Variants in GHR observed in about 807,000 individuals in gnomAD.
GHR encodes the protein GH receptor.
GHR carries 35 observed loss-of-function variants against 67.1 expected under a neutral mutation model. The observed-to-expected ratio is 0.52, with a 90% CI of 0.40 to 0.69. The LOEUF (loss-of-function observed/expected upper bound fraction) is 0.69. GHR is among the 30% of genes least tolerant of loss of function. The pLI is 0.00. For synonymous variants in GHR, 272 were observed against 269.1 expected, an observed-to-expected ratio of 1.01 and a Z score of -0.10; for missense variants, 792 against 764.6, an observed-to-expected ratio of 1.04 and a Z score of -0.42.
chr5:42,424,548 C>A lies in GHR; in HGVS notation c.-12+593C>A. 1 of 1,529,538 alleles carries A rather than the reference C, an allele frequency of 6.5e-7. No individual in the cohort carries two copies. Among genetic ancestry groups the A allele is most frequent in the Non-Finnish European group, 8.8e-7 (1 of 1,141,620 alleles). The allele number at this position is 1,529,538 out of a possible 1,614,324, so 94.7% of individuals were successfully genotyped here. ...GCGGGCCGCAGCCGCACGTTGGCAC[C>A]GATGGAACTGGGGTCAGTAGAGTGA... On this transcript the variant is annotated intron_variant, in intron 1 of 9. Transcript: ENST00000230882. The surrounding 1 kb of genome is among the most constrained non-coding windows in gnomAD (Gnocchi z 4.1).
intron 4 of GHR, among the ~76,000 whole-genome samples, chr5:42,694,181 A>G (rs555974258): frequency 8.5e-5 from 13 of 152,306 alleles, no homozygotes; most frequent in African/African-American, 3.1e-4. Context: ...ACTAATGAGC[A>G]CTTACCCACA....
Position 42,424,661 on chromosome 5 carries a change from C to G in GHR, c.-12+706C>G, listed in dbSNP as rs1416180895. On this transcript the variant is annotated intron_variant, in intron 1 of 9. Transcript: ENST00000230882. The surrounding 1 kb of genome is among the most constrained non-coding windows in gnomAD (Gnocchi z 4.1). ...TTTGACACACTAGTGGTTGTAAAATCAACCAGGCTTAAAGTTTTGACAGAA... is the reference window on the plus strand; with the variant it reads ...TTTGACACACTAGTGGTTGTAAAATGAACCAGGCTTAAAGTTTTGACAGAA... 1.4e-6 allele frequency: 2 copies of G among 1,437,184 alleles called. No individual in the cohort carries two copies. The highest frequency in any genetic ancestry group is 2.8e-5 in the African/African-American group (2 of 71,172). 89.0% of individuals were successfully genotyped at this position (1,437,184 alleles called of 1,614,324 possible). A position where few individuals can be genotyped will look rare whatever the true frequency, so the allele number is the denominator to read the frequency against.
chr5:42,602,823 A>C (rs1442984239), intron 2 of GHR, among the ~76,000 whole-genome samples: 5 of 152,134 alleles, frequency 3.3e-5, no homozygotes, highest in African/African-American at 1.2e-4. Context: ...CCCAATGTAC[A>C]TCTGTTTATA....
At chr5:42,546,090 G>A (rs879726047) in intron 1 of GHR, among the ~76,000 whole-genome samples, 1 of 152,160 alleles carries the variant, frequency 6.6e-6, no homozygotes, top group African/African-American at 2.4e-5. Flanking sequence ...AGAATGCCAT[G>A]TGTTCAGGTA....
At chr5:42,475,613 C>A (rs1315404966) in intron 1 of GHR, among the ~76,000 whole-genome samples, 4 of 151,398 alleles carry the variant, frequency 2.6e-5, no homozygotes, top group Admixed American at 2.6e-4. Flanking sequence ...TAAAAAGGAC[C>A]CCCCCACCAA....
chr5:42,522,512 A>C (rs62370648), intron 1 of GHR, among the ~76,000 whole-genome samples: 24,678 of 152,150 alleles, frequency 0.16, 2,219 homozygotes, highest in Middle Eastern at 0.26. Context: ...TTAGCAGTGA[A>C]ACTGATATAT....
chr5:42,467,860 G>A (rs1173100578), intron 1 of GHR: 2 of 928,654 alleles, frequency 2.2e-6, no homozygotes, highest in African/African-American at 3.3e-5. Flanking sequence ...AATTAAGGCT[G>A]TATTTTCCCA....
intron 2 of GHR, among the ~76,000 whole-genome samples, chr5:42,627,064 G>A (rs930120352): frequency 2.0e-5 from 3 of 152,070 alleles, no homozygotes; most frequent in Non-Finnish European, 4.4e-5. Flanking sequence ...ATCAAATTAC[G>A]ACTGTGTTTA....
Position 42,476,032 on chromosome 5 carries a change from G to A in GHR, c.-12+52077G>A, listed in dbSNP as rs374402783. On this transcript the variant is annotated intron_variant, in intron 1 of 9. Transcript: ENST00000230882. ...CCATTCTCCTGCCTCAGCCTCCCGA[G>A]TAGCTGGAACTACAGGCGCCAACCA... Among the ~76,000 whole-genome samples, 334 of 151,346 alleles carry A rather than the reference G, an allele frequency of 2.2e-3. 1 individual carries two copies. The highest frequency in any genetic ancestry group is 7.9e-3 in the African/African-American group (327 of 41,182).
intron 3 of GHR, among the ~76,000 whole-genome samples, chr5:42,659,991 G>A (rs1755490425): frequency 6.6e-6 from 1 of 152,168 alleles, no homozygotes; most frequent in Non-Finnish European, 1.5e-5. Flanking sequence ...TACGCCCACG[G>A]AGTCTCGCTG....
At chr5:42,628,059 C>G (rs1395198605) in intron 2 of GHR, among the ~76,000 whole-genome samples, 1 of 152,118 alleles carries the variant, frequency 6.6e-6, no homozygotes, top group Non-Finnish European at 1.5e-5. Context: ...TCTCCAACCT[C>G]CCCCAGGCAA....
At chr5:42,677,583 T>C (rs927364726) in intron 3 of GHR, among the ~76,000 whole-genome samples, 7 of 152,234 alleles carry the variant, frequency 4.6e-5, no homozygotes, top group Non-Finnish European at 7.4e-5. Context: ...GTGAGGGAAA[T>C]AGCTGCCACA....
chr5:42,701,386 G>A (rs537543883), intron 6 of GHR, among the ~76,000 whole-genome samples: 2 of 152,110 alleles, frequency 1.3e-5, no homozygotes, highest in Non-Finnish European at 2.9e-5. Flanking sequence ...TTAATATTCT[G>A]TGTGACATAT....
At chr5:42,469,177 C>T (rs545180706) in intron 1 of GHR, among the ~76,000 whole-genome samples, 2 of 152,332 alleles carry the variant, frequency 1.3e-5, no homozygotes, top group African/African-American at 4.8e-5. Flanking sequence ...TTATTATTTA[C>T]TGCTAACAAA....
intron 2 of GHR, among the ~76,000 whole-genome samples, chr5:42,587,768 G>A (rs372906780): frequency 7.0e-4 from 107 of 151,938 alleles, no homozygotes; most frequent in African/African-American, 2.3e-3. Context: ...GTGAAAACAA[G>A]GTAAGAAGCT....
chr5:42,576,143 T>TAAAATAAA (rs1359047675), intron 2 of GHR, among the ~76,000 whole-genome samples: 2 of 83,478 alleles, frequency 2.4e-5, no homozygotes, highest in African/African-American at 1.0e-4. Context: ...TAAAATAAAA[T>TAAAATAAA]AGTAAAGTAA....
chr5:42,505,894 ATAC>A (rs1746753358), intron 1 of GHR, among the ~76,000 whole-genome samples: 1 of 152,210 alleles, frequency 6.6e-6, no homozygotes, highest in Non-Finnish European at 1.5e-5. Context: ...TAACTTTATC[ATAC>A]CATTCATGCA....
intron 6 of GHR, among the ~76,000 whole-genome samples, chr5:42,710,318 C>T (rs1442944596): frequency 6.6e-6 from 1 of 152,084 alleles, no homozygotes; most frequent in Non-Finnish European, 1.5e-5. Context: ...AAAATCCATG[C>T]TGTTGAAAAC....
intron 1 of GHR, chr5:42,467,781 T>C: frequency 6.6e-7 from 1 of 1,509,836 alleles, no homozygotes; most frequent in South Asian, 1.2e-5. Flanking sequence ...GACTAAATCC[T>C]TTCCCACACA....
Sources: gnomAD v4.1 joint callset for allele counts (sites outside exome capture counted in the v4.1 genomes callset) on GRCh38, gnomAD v4.1.1 for gene constraint, Gnocchi (gnomAD v3.1) non-coding constraint, MANE v1.5 for transcripts, NCBI Gene and HGNC (gene_info 2026-07-23, HGNC 2026-07-21) for gene names.